SGCZ: variants seen among roughly 807,000 people sequenced by gnomAD.
The protein encoded by SGCZ is sarcoglycan zeta.
Under a neutral mutation model 41.3 loss-of-function variants are expected in SGCZ, and 40 were observed. That is an observed-to-expected ratio of 0.97 (90% confidence interval 0.75 to 1.26). The LOEUF (loss-of-function observed/expected upper bound fraction) is 1.26. Among genes scored for constraint, SGCZ ranks in the 50% most tolerant of loss-of-function variants. The pLI, the probability that SGCZ is intolerant of heterozygous loss-of-function variation, is 0.00. For missense variants in SGCZ, 552 were observed against 369.8 expected, an observed-to-expected ratio of 1.49 and a Z score of -4.04; for synonymous variants, 206 against 137.5, an observed-to-expected ratio of 1.50 and a Z score of -3.49.
At chr8:14,251,678 A>G (rs1799291474) in intron 3 of SGCZ, among the ~76,000 whole-genome samples, 1 of 152,212 alleles carries the variant, frequency 6.6e-6, no homozygotes, top group Non-Finnish European at 1.5e-5. Context: ...TAATTTTTAA[A>G]TAAATAATGC....
chr8:14,116,154 T>C (rs1000329766), intron 5 of SGCZ, among the ~76,000 whole-genome samples: 6 of 152,112 alleles, frequency 3.9e-5, no homozygotes, highest in African/African-American at 1.2e-4. Context: ...AAATATTGCA[T>C]TGGTTTATAG....
intron 1 of SGCZ, among the ~76,000 whole-genome samples, chr8:15,082,254 A>G (rs1251073483): frequency 1.3e-5 from 2 of 152,024 alleles, no homozygotes; most frequent in African/African-American, 4.8e-5. Flanking sequence ...AATAAAAATA[A>G]GAACTTCTTG....
chr8:14,850,997 G>A lies in SGCZ; in HGVS notation c.40-296071C>T, dbSNP rs376164199. On this transcript the variant is annotated intron_variant, in intron 1 of 7. Transcript: ENST00000382080. ...CTTGGGCAATTCTTCATAGCTGTAT[G>A]AAAACAGACTAATACAGAGTAATAT... Among the ~76,000 whole-genome samples the A allele has an allele frequency of 9.8e-4, 149 of 152,244 alleles. 2 individuals are homozygous for A. The highest frequency in any genetic ancestry group is 3.4e-3 in the African/African-American group (140 of 41,530).
At chr8:14,926,233 A>G (rs1320991055) in intron 1 of SGCZ, among the ~76,000 whole-genome samples, 1 of 152,186 alleles carries the variant, frequency 6.6e-6, no homozygotes, top group Non-Finnish European at 1.5e-5. Context: ...TGTCGTTCAA[A>G]TTTTGGACAA....
chr8:14,117,408 CTGTGTGTGTG>C (rs57595662), intron 5 of SGCZ, among the ~76,000 whole-genome samples: 39 of 131,574 alleles, frequency 3.0e-4, no homozygotes, highest in African/African-American at 1.1e-3. Flanking sequence ...ATGCACACAT[CTGTGTGTGTG>C]TGTGTGTGTG....
chr8:14,859,090 T>A (rs1803636171), intron 1 of SGCZ, among the ~76,000 whole-genome samples: 1 of 152,144 alleles, frequency 6.6e-6, no homozygotes, highest in Non-Finnish European at 1.5e-5. Flanking sequence ...TCAGTCAACA[T>A]CCCAAACAAT....
intron 3 of SGCZ, among the ~76,000 whole-genome samples, chr8:14,285,293 A>G (rs1800584620): frequency 6.6e-6 from 1 of 152,022 alleles, no homozygotes; most frequent in South Asian, 2.1e-4. Context: ...AACATTCCCA[A>G]TTTCTTAAGG....
At chr8:14,228,039 T>A (rs1452174067) in intron 4 of SGCZ, among the ~76,000 whole-genome samples, 2 of 63,222 alleles carry the variant, frequency 3.2e-5, no homozygotes, top group African/African-American at 9.4e-5. Flanking sequence ...AAGTGAATGA[T>A]CTTCTGTGTA....
intron 1 of SGCZ, among the ~76,000 whole-genome samples, chr8:15,109,170 T>C (rs1585570846): frequency 1.3e-5 from 2 of 152,216 alleles, no homozygotes; most frequent in Admixed American, 1.3e-4. Context: ...TTCTTGATGA[T>C]GATGGAGATC....
chr8:14,923,237 C>T (rs969055429), intron 1 of SGCZ, among the ~76,000 whole-genome samples: 1 of 152,274 alleles, frequency 6.6e-6, no homozygotes, highest in African/African-American at 2.4e-5. Context: ...CCAGTGTAGG[C>T]AGCCTTTATT....
intron 1 of SGCZ, among the ~76,000 whole-genome samples, chr8:14,863,474 A>G (rs1803822607): frequency 6.6e-6 from 1 of 151,982 alleles, no homozygotes; most frequent in South Asian, 2.1e-4. Flanking sequence ...ACAGGTACTC[A>G]CCACTATGAT....
chr8:14,545,651 G>A (rs985783443), intron 2 of SGCZ, among the ~76,000 whole-genome samples: 1 of 152,020 alleles, frequency 6.6e-6, no homozygotes, highest in Non-Finnish European at 1.5e-5. Flanking sequence ...CCATCCACAA[G>A]GGCAAATGGT....
intron 3 of SGCZ, among the ~76,000 whole-genome samples, chr8:14,304,185 G>C (rs1801280035): frequency 6.6e-6 from 1 of 151,982 alleles, no homozygotes; most frequent in African/African-American, 2.4e-5. Context: ...GCTCCCACTT[G>C]TAATTCCAGC....
intron 1 of SGCZ, among the ~76,000 whole-genome samples, chr8:15,064,915 CTA>C (rs1211802638): frequency 6.6e-6 from 1 of 152,170 alleles, no homozygotes; most frequent in Admixed American, 6.5e-5. Flanking sequence ...ATTTTCATTA[CTA>C]TGTCTACTTG....
At chr8:14,942,087 C>T (rs1249513650) in intron 1 of SGCZ, among the ~76,000 whole-genome samples, 1 of 151,862 alleles carries the variant, frequency 6.6e-6, no homozygotes, top group Non-Finnish European at 1.5e-5. Flanking sequence ...AGGAGACATG[C>T]CCTGAAGCTC....
At chr8:15,166,733 C>T (rs1451173240) in intron 1 of SGCZ, among the ~76,000 whole-genome samples, 1 of 152,218 alleles carries the variant, frequency 6.6e-6, no homozygotes, top group Non-Finnish European at 1.5e-5. Flanking sequence ...CTAACTGCAA[C>T]TACCCTGCAC....
At chr8:14,451,224 C>G (rs1172417231) in intron 2 of SGCZ, among the ~76,000 whole-genome samples, 1 of 152,164 alleles carries the variant, frequency 6.6e-6, no homozygotes, top group Non-Finnish European at 1.5e-5. Flanking sequence ...AAAATAGACT[C>G]TGTAGGAAAT....
rs565782500 is a variant in SGCZ at position 14,902,287 on chromosome 8, G to A, written c.39+335298C>T. On this transcript the variant is annotated intron_variant, in intron 1 of 7. Coordinates refer to ENST00000382080, the MANE Select transcript of SGCZ (RefSeq NM_139167.4). ...CTTTTACTTGTTTCTCTTGTCTTCC[G>A]TTCTTAATCTTTTCTTCTACAGTTT... 2.0e-4 allele frequency among the ~76,000 whole-genome samples: 30 copies of A among 152,028 alleles called. No individual in the cohort carries two copies. The South Asian group carries it at 5.4e-3, about 27-fold the overall frequency.
chr8:14,617,816 G>A (rs1585128966), intron 1 of SGCZ, among the ~76,000 whole-genome samples: 2 of 150,844 alleles, frequency 1.3e-5, no homozygotes. Context: ...TGAAGAAGAT[G>A]GAAAAGTAAG....
Sources: gnomAD v4.1 joint callset for allele counts (sites outside exome capture counted in the v4.1 genomes callset) on GRCh38, gnomAD v4.1.1 for gene constraint, MANE v1.5 for transcripts, NCBI Gene and HGNC (gene_info 2026-07-23, HGNC 2026-07-21) for gene names.